Variants in CYP26B1 observed in about 807,000 individuals in gnomAD.
CYP26B1 encodes the protein cytochrome P450 family 26 subfamily B member 1.
CYP26B1 carries 8 observed loss-of-function variants against 39.1 expected under a neutral mutation model. The observed-to-expected ratio is 0.20, with a 90% CI of 0.12 to 0.37. The LOEUF (loss-of-function observed/expected upper bound fraction) is 0.37, where lower values mean the gene tolerates loss of function less well. CYP26B1 is among the 10% of genes least tolerant of loss of function. CYP26B1 has a pLI of 1.00. For missense variants in CYP26B1, 615 were observed against 707.0 expected, an observed-to-expected ratio of 0.87 and a Z score of 1.48; for synonymous variants, 321 against 314.3, an observed-to-expected ratio of 1.02 and a Z score of -0.23.
At chr2:72,144,255 G>T in intron 1 of CYP26B1, 42 bp from the exon 2 acceptor site, 1 of 1,563,390 alleles carries the variant, frequency 6.4e-7, no homozygotes, top group Non-Finnish European at 8.7e-7. Flanking sequence ...GTGCACTTCT[G>T]CAGAGGGCCC....
chr2:72,143,899 A>G, intron 2 of CYP26B1, 90 bp downstream of exon 2: 2 of 1,474,420 alleles, frequency 1.4e-6, no homozygotes, highest in South Asian at 1.2e-5. Context: ...GGGGGCACAG[A>G]TTCGGTAGGG....
Position 72,132,490 on chromosome 2 carries a change from C to T in CYP26B1, c.1276G>A (p.Asp426Asn). ...RFSQARSEDKDGRFHYLPFGG... is the reference protein window; with the variant it reads ...RFSQARSEDKNGRFHYLPFGG... ...AACGGGAGGTAATGGAAGCGGCCATCCTTGTCCTCGCTCCGCGCCTGGCTG... is the reference window on the plus strand; with the variant it reads ...AACGGGAGGTAATGGAAGCGGCCATTCTTGTCCTCGCTCCGCGCCTGGCTG... Residue 426 changes from aspartate (D) to asparagine (N), a missense_variant, in exon 6 of 6, where the codon GAT (aspartate) becomes AAT (asparagine). By Grantham distance (23) the Asp-to-Asn change is conservative. Transcript: ENST00000001146. The T allele has an allele frequency of 6.2e-7, 1 of 1,612,952 alleles. No homozygotes were observed. The highest frequency in any genetic ancestry group is 8.5e-7 in the Non-Finnish European group (1 of 1,179,416).
chr2:72,135,820 C>G (rs919654790), intron 2 of CYP26B1, among the ~76,000 whole-genome samples: 1 of 152,134 alleles, frequency 6.6e-6, no homozygotes, highest in African/African-American at 2.4e-5. Context: ...TCCTGGGAAC[C>G]AAAATTGTCA....
In CYP26B1 at chr2:72,135,370, T is replaced by C. The variant is rs774475846; in HGVS notation, c.479A>G (p.Lys160Arg). 1.7e-5 allele frequency: 28 copies of C among 1,613,614 alleles called. No individual in the cohort carries two copies. Among genetic ancestry groups the C allele is most frequent in the Non-Finnish European group, 2.1e-5 (25 of 1,180,032 alleles). Residue 160 changes from lysine to arginine, a missense_variant, in exon 3 of 6, where the codon AAG (lysine) becomes AGG (arginine). Physicochemically the swap from Lys to Arg is conservative, Grantham distance 26. Coordinates refer to ENST00000001146, the MANE Select transcript of CYP26B1 (RefSeq NM_019885.4). The stretch of plus-strand genomic sequence containing the variant: ...TGTGTCCTGGATCACCAGCTGGATC[T>C]TGGGCAGGTAACTCTCCAGGGCCTC... ...SHEALESYLPKIQLVIQDTLR... is the reference protein window; with the variant it reads ...SHEALESYLPRIQLVIQDTLR...
intron 1 of CYP26B1, among the ~76,000 whole-genome samples, chr2:72,144,857 G>A (rs1295781696): frequency 1.3e-5 from 2 of 152,200 alleles, no homozygotes; most frequent in Non-Finnish European, 2.9e-5. Flanking sequence ...GAACCCGAGC[G>A]CGGGGCGGGG....
chr2:72,132,280 T>C lies in CYP26B1; in HGVS notation c.1486A>G (p.Asn496Asp), dbSNP rs773092721. Residue 496 changes from asparagine to aspartate, a missense_variant, in exon 6 of 6, where the codon AAC (asparagine) becomes GAC (aspartate). Physicochemically the swap from Asn to Asp is conservative, Grantham distance 23 (BLOSUM62 1). Transcript: ENST00000001146. ...GTCTCCGGCAGGATCTCGTTCTGGTTGGAGTCCAGGCCAAAGAACTTGACG... is the reference window on the plus strand; with the variant it reads ...GTCTCCGGCAGGATCTCGTTCTGGTCGGAGTCCAGGCCAAAGAACTTGACG... ...LSVKFFGLDS[N>D]QNEILPETEA... The C allele has an allele frequency of 6.2e-7, 1 of 1,605,928 alleles. No homozygotes were observed. The highest frequency in any genetic ancestry group is 1.1e-5 in the South Asian group (1 of 89,426).
At chr2:72,137,493 G>A (rs1482506219) in intron 2 of CYP26B1, among the ~76,000 whole-genome samples, 4 of 152,112 alleles carry the variant, frequency 2.6e-5, no homozygotes, top group Non-Finnish European at 4.4e-5. Context: ...CCCCTGGGGA[G>A]TGCCTTCCAG....
intron 2 of CYP26B1, among the ~76,000 whole-genome samples, chr2:72,137,808 G>A (rs920702299): frequency 6.6e-6 from 1 of 152,224 alleles, no homozygotes; most frequent in African/African-American, 2.4e-5. Flanking sequence ...GGGGGAAGGG[G>A]TCCATGGGCA....
chr2:72,133,187 C>T lies in CYP26B1; in HGVS notation c.982G>A (p.Ala328Thr). 4 of 1,612,284 alleles carry T rather than the reference C, an allele frequency of 2.5e-6. No homozygotes were observed. Among genetic ancestry groups the T allele is most frequent in the Non-Finnish European group, 3.4e-6 (4 of 1,179,410 alleles). Residue 328 changes from alanine (A) to threonine (T), a missense_variant, in exon 5 of 6, where the codon GCT becomes ACT. Physicochemically the swap from Ala to Thr is moderately conservative, Grantham distance 58. Transcript: ENST00000001146. ...VLEKLRDELR[A>T]HGILHSGGCP... is the part of the protein sequence containing the mutation. ...CCGCCACTGTGCAGGATGCCATGAG[C>T]CCGCAGCTCATCCCGCAGCTTCTCC...
chr2:72,131,502 CTGTG>C lies in CYP26B1; in HGVS notation c.*721_*724del, dbSNP rs896717102. 6.5e-6 allele frequency: 1 copy of C among 152,702 alleles called. No individual in the cohort carries two copies. Among genetic ancestry groups the C allele is most frequent in the African/African-American group, 2.4e-5 (1 of 41,428 alleles). 9.5% of individuals were successfully genotyped at this position (152,702 alleles called of 1,614,324 possible). On this transcript the variant is annotated 3_prime_UTR_variant, in exon 6 of 6. Transcript: ENST00000001146. ...CACATGAGCCGCGGGCCTTAGGCGGCTGTGTGTAACAGGGCCTGGTTCAGCAGGG... is the reference window on the plus strand; with the variant it reads ...CACATGAGCCGCGGGCCTTAGGCGGCTGTAACAGGGCCTGGTTCAGCAGGG...
intron 4 of CYP26B1, among the ~76,000 whole-genome samples, 170 bp from the exon 5 acceptor site, chr2:72,133,477 C>T (rs941893758): frequency 6.6e-6 from 1 of 152,220 alleles, no homozygotes; most frequent in Non-Finnish European, 1.5e-5. Context: ...ATTAGTGTCA[C>T]GATGGACACG....
rs182029240 is a variant in CYP26B1, at chr2:72,132,535, C to T, written c.1231G>A (p.Val411Met). ...TGGCTGAAGCGATCGGGGTCGAACA[C>T]GTTCACGTCTTTGAACACGGGCGCT... The part of the protein sequence containing the change: ...DTAPVFKDVN[V>M]FDPDRFSQAR... Residue 411 changes from valine to methionine, a missense_variant, in exon 6 of 6, where the codon GTG (valine) becomes ATG (methionine). Physicochemically the swap from Val to Met is conservative, Grantham distance 21. Transcript: ENST00000001146. The T allele has an allele frequency of 4.3e-6, 7 of 1,609,394 alleles. No homozygotes were observed. Among genetic ancestry groups the T allele is most frequent in the East Asian group, 4.5e-5 (2 of 44,722 alleles).
chr2:72,146,490 C>G (rs993968608), intron 1 of CYP26B1, among the ~76,000 whole-genome samples: 33 of 152,344 alleles, frequency 2.2e-4, no homozygotes, highest in African/African-American at 7.5e-4. Context: ...ACCCCCTCCC[C>G]GCCCCCGCTC....
chr2:72,143,371 C>CGGGG lies in CYP26B1; in HGVS notation c.429+614_429+617dup, dbSNP rs575862508. Among the ~76,000 whole-genome samples, 823 of 142,876 alleles carry CGGGG rather than the reference C, an allele frequency of 5.8e-3. 18 individuals are homozygous for CGGGG. The highest frequency in any genetic ancestry group is 0.023 in the African/African-American group (784 of 34,650). The allele number at this position is 142,876 out of a possible 152,430, so 93.7% of individuals were successfully genotyped here. A position where few individuals can be genotyped will look rare whatever the true frequency, so the allele number is the denominator to read the frequency against. ...AAACACCCACTTTCCCTTCCTCTTT[C>CGGGG]GGGGGGGGGTGGGTGCGCTTTGATC... On this transcript the variant is annotated intron_variant, in intron 2 of 5. Transcript: ENST00000001146.
chr2:72,133,706 G>A (rs933073788), intron 4 of CYP26B1, among the ~76,000 whole-genome samples: 2 of 152,214 alleles, frequency 1.3e-5, no homozygotes, highest in East Asian at 1.9e-4. Flanking sequence ...TATGTGTGGG[G>A]GATGTGAGTC....
chr2:72,132,425 G>T lies in CYP26B1; in HGVS notation c.1341C>A (p.Ala447=). The change falls in exon 6 of 6, where the codon GCC becomes GCA. Residue 447 remains alanine, a synonymous_variant. Transcript: ENST00000001146. ...CCGCCAGCACCTTCAGGAACAGCTT[G>T]GCCAGGTGCTTGCCCAGGCAGGTCC... The part of the protein sequence containing the change: ...GVRTCLGKHL[A]KLFLKVLAVE... 6.2e-7 allele frequency: 1 copy of T among 1,613,034 alleles called. No homozygotes were observed. The highest frequency in any genetic ancestry group is 8.5e-7 in the Non-Finnish European group (1 of 1,179,446).
At position 72,132,585 on chromosome 2, in the gene CYP26B1, T is replaced by C; in HGVS notation, c.1181A>G (p.Tyr394Cys). ...FQIPKGWSVM[Y>C]SIRDTHDTAP... Reference sequence around the variant, plus strand: ...TGTGTCATGGGTGTCCCGGATGCTATACATGACACTCCAGCCTTTGGGGAT... The same window carrying C: ...TGTGTCATGGGTGTCCCGGATGCTACACATGACACTCCAGCCTTTGGGGAT... Residue 394 changes from tyrosine (Y) to cysteine (C), a missense_variant, in exon 6 of 6, where the codon TAT becomes TGT. Tyr to Cys is a radical substitution (Grantham distance 194). Coordinates refer to ENST00000001146, the MANE Select transcript of CYP26B1 (RefSeq NM_019885.4). The C allele has an allele frequency of 1.9e-6, 3 of 1,612,082 alleles. No individual in the cohort carries two copies. The highest frequency in any genetic ancestry group is 2.5e-6 in the Non-Finnish European group (3 of 1,179,414).
chr2:72,134,864 T>C lies in CYP26B1; in HGVS notation c.758A>G (p.Glu253Gly). Residue 253 changes from glutamate to glycine, a missense_variant, in exon 4 of 6, where the codon GAG becomes GGG. Physicochemically the swap from Glu to Gly is moderately conservative, Grantham distance 98. Transcript: ENST00000001146. ...CTTGCCCTGTGTGCACTGCAGCTTC[T>C]CCCGGATGGCCTTCTCCAGCCCCTT... ...LQKGLEKAIR[E>G]KLQCTQGKDY... 6.2e-7 allele frequency: 1 copy of C among 1,614,132 alleles called. No homozygotes were observed. The highest frequency in any genetic ancestry group is 8.5e-7 in the Non-Finnish European group (1 of 1,180,012).
chr2:72,145,543 G>C (rs1677098732), intron 1 of CYP26B1, among the ~76,000 whole-genome samples: 1 of 152,226 alleles, frequency 6.6e-6, no homozygotes, highest in Non-Finnish European at 1.5e-5. Flanking sequence ...GGGTGCGACA[G>C]AAGGGGTGGT....
Sources: gnomAD v4.1 joint callset for allele counts (sites outside exome capture counted in the v4.1 genomes callset) on GRCh38, gnomAD v4.1.1 for gene constraint, MANE v1.5 for transcripts, NCBI Gene and HGNC (gene_info 2026-07-23, HGNC 2026-07-21) for gene names.